Variants in LRRC63 observed in about 807,000 individuals in gnomAD.
The protein encoded by LRRC63 is leucine-rich repeat-containing protein 63.
A neutral mutation model predicts 49.5 loss-of-function variants in LRRC63; 40 were observed. The observed-to-expected ratio is 0.81, with a 90% CI of 0.63 to 1.05. The LOEUF (loss-of-function observed/expected upper bound fraction) is 1.05. Ranked by LOEUF, LRRC63 falls within the 50% of genes least tolerant of loss-of-function variation. The pLI is 0.00. For synonymous variants in LRRC63, 191 were observed against 221.1 expected, an observed-to-expected ratio of 0.86 and a Z score of 1.21; for missense variants, 636 against 663.1, an observed-to-expected ratio of 0.96 and a Z score of 0.45.
chr13:46,240,293 A>AT (rs36090505), intron 5 of LRRC63, among the ~76,000 whole-genome samples: 27,736 of 151,360 alleles, frequency 0.18, 3,799 homozygotes, highest in African/African-American at 0.39. Context: ...CGCTTGGCTA[A>AT]TTTTTTTGTA....
intron 7 of LRRC63, among the ~76,000 whole-genome samples, chr13:46,256,117 T>G (rs1383061783): frequency 6.6e-6 from 1 of 152,186 alleles, no homozygotes; most frequent in African/African-American, 2.4e-5. Flanking sequence ...TGGGATTAAC[T>G]AGGAACGAAA....
chr13:46,276,868 T>TTATA (rs764407277), exon 10 of LRRC63: 1 of 148,348 alleles, frequency 6.7e-6, no homozygotes, highest in Non-Finnish European at 1.3e-5. Context: ...ATATATATAT[T>TTATA]TATATATATA....
intron 6 of LRRC63, among the ~76,000 whole-genome samples, chr13:46,248,500 T>C (rs1271278901): frequency 6.6e-6 from 1 of 151,926 alleles, no homozygotes; most frequent in Non-Finnish European, 1.5e-5. Flanking sequence ...GGAGAGACTA[T>C]ACTAATATCA....
chr13:46,266,713 G>T lies in LRRC63; in HGVS notation c.1311-20G>T. ...TGAATTGTATAATACCTTTTAAAGT[G>T]TGGTTTCCTTTATTTACAGATCACT... On this transcript the variant is annotated intron_variant, in intron 8 of 9. Transcript: ENST00000595396. 1.1e-5 allele frequency: 17 copies of T among 1,513,670 alleles called. No homozygotes were observed. Among genetic ancestry groups the T allele is most frequent in the Non-Finnish European group, 1.5e-5 (17 of 1,132,240 alleles). The allele number at this position is 1,513,670 out of a possible 1,614,324, so 93.8% of individuals were successfully genotyped here.
At chr13:46,227,788 T>C (rs897708994) in exon 3 of LRRC63, 1 of 1,550,426 alleles carries the variant, frequency 6.4e-7, no homozygotes, top group Non-Finnish European at 8.7e-7. Flanking sequence ...ACTCGAATTT[T>C]TGGGAAACAA....
intron 9 of LRRC63, 139 bp downstream of exon 9, chr13:46,267,111 A>G (rs914425795): frequency 5.0e-6 from 4 of 797,924 alleles, no homozygotes; most frequent in Non-Finnish European, 7.5e-6. Context: ...ACAATTCTTC[A>G]AATCGCTCCA....
chr13:46,271,443 C>A (rs1432885600), intron 9 of LRRC63, among the ~76,000 whole-genome samples: 4 of 152,134 alleles, frequency 2.6e-5, no homozygotes, highest in Non-Finnish European at 4.4e-5. Context: ...GTATCTTCTG[C>A]CCTCCTTATG....
intron 6 of LRRC63, among the ~76,000 whole-genome samples, chr13:46,247,934 G>A (rs979757350): frequency 1.3e-5 from 2 of 151,968 alleles, no homozygotes; most frequent in Non-Finnish European, 2.9e-5. Flanking sequence ...GTATAATAAT[G>A]TATTGTTAGG....
intron 9 of LRRC63, among the ~76,000 whole-genome samples, chr13:46,274,193 C>A (rs1191430083): frequency 6.6e-6 from 1 of 151,948 alleles, no homozygotes; most frequent in Non-Finnish European, 1.5e-5. Context: ...AAATGCAAGA[C>A]AAATTATGGA....
In LRRC63 at chr13:46,228,804, A is replaced by T. The variant is rs573985915; in HGVS notation, c.832+71A>T. On this transcript the variant is annotated intron_variant, in intron 4 of 9. Transcript: ENST00000595396. Reference sequence around the variant, plus strand: ...TTATATCTTTAAAAAATTATGGGTGATTTTTTGTGTTTATGTGTGTGATTC... The same window carrying T: ...TTATATCTTTAAAAAATTATGGGTGTTTTTTTGTGTTTATGTGTGTGATTC... 24 of 1,083,404 alleles carry T rather than the reference A, an allele frequency of 2.2e-5. No homozygotes were observed. The South Asian group carries it at 3.2e-4, about 15-fold the overall frequency. The allele number at this position is 1,083,404 out of a possible 1,614,324, so 67.1% of individuals were successfully genotyped here. A position where few individuals can be genotyped will look rare whatever the true frequency, so the allele number is the denominator to read the frequency against.
intron 7 of LRRC63, among the ~76,000 whole-genome samples, chr13:46,255,042 A>C (rs371201645): frequency 2.0e-5 from 3 of 152,338 alleles, no homozygotes; most frequent in African/African-American, 7.2e-5. Flanking sequence ...TTAATGAATA[A>C]ACAAAATGTG....
At chr13:46,233,059 G>C (rs889889314) in intron 4 of LRRC63, among the ~76,000 whole-genome samples, 12 of 152,246 alleles carry the variant, frequency 7.9e-5, no homozygotes, top group African/African-American at 2.9e-4. Context: ...TTGTACCCTT[G>C]TCTATGATGT....
chr13:46,230,025 T>C (rs668615), intron 4 of LRRC63, among the ~76,000 whole-genome samples: 47,904 of 151,834 alleles, frequency 0.32, 7,786 homozygotes, highest in East Asian at 0.41. Context: ...GAACTCACTA[T>C]CATGAGGGCA....
chr13:46,240,234 C>G (rs1483524315), intron 5 of LRRC63, among the ~76,000 whole-genome samples: 1 of 150,396 alleles, frequency 6.6e-6, no homozygotes, highest in Non-Finnish European at 1.5e-5. Context: ...TCACGTCATT[C>G]TCCTGCCTCA....
At chr13:46,242,944 G>A (rs907500477) in intron 5 of LRRC63, among the ~76,000 whole-genome samples, 12 of 152,122 alleles carry the variant, frequency 7.9e-5, no homozygotes, top group Admixed American at 1.3e-4. Flanking sequence ...GGACCCTAAG[G>A]TGTAACAAGA....
At chr13:46,232,040 C>T (rs560523662) in intron 4 of LRRC63, among the ~76,000 whole-genome samples, 31 of 150,136 alleles carry the variant, frequency 2.1e-4, no homozygotes, top group Non-Finnish European at 3.5e-4. Context: ...TGGTCTTGAT[C>T]TCCTGACCTC....
intron 7 of LRRC63, among the ~76,000 whole-genome samples, chr13:46,259,028 T>C (rs1359548142): frequency 6.6e-6 from 1 of 152,072 alleles, no homozygotes; most frequent in Non-Finnish European, 1.5e-5. Context: ...GAGGCCTACA[T>C]TTTCGTTCCT....
At chr13:46,273,705 A>G (rs2047791872) in intron 9 of LRRC63, among the ~76,000 whole-genome samples, 1 of 151,812 alleles carries the variant, frequency 6.6e-6, no homozygotes, top group Admixed American at 6.6e-5. Flanking sequence ...TGAGGTCAGG[A>G]GTTCAAGAAC....
chr13:46,275,873 A>T (rs979958286), intron 9 of LRRC63, among the ~76,000 whole-genome samples: 1 of 152,196 alleles, frequency 6.6e-6, no homozygotes, highest in Non-Finnish European at 1.5e-5. Context: ...ATCTTTGCCT[A>T]GGTCAATGTC....
Sources: allele counts gnomAD v4.1 joint callset (sites outside exome capture counted in the v4.1 genomes callset), GRCh38; gene constraint gnomAD v4.1.1; transcripts MANE v1.5; gene names NCBI Gene and HGNC (gene_info 2026-07-23, HGNC 2026-07-21).